Variants in ARID1B observed in about 807,000 individuals in gnomAD.
The protein encoded by ARID1B is AT-rich interactive domain-containing protein 1B.
A neutral mutation model predicts 212.3 loss-of-function variants in ARID1B; 30 were observed. The observed-to-expected ratio is 0.14, with a 90% CI of 0.11 to 0.19. The LOEUF (loss-of-function observed/expected upper bound fraction) is 0.19. Ranked by LOEUF, ARID1B falls within the 10% of genes least tolerant of loss-of-function variation. The pLI is 1.00. For missense variants in ARID1B, 2,891 were observed against 3,204.0 expected (o/e 0.90, Z 2.36); for synonymous variants, 1,402 against 1,301.7 (o/e 1.08, Z -1.66).
rs527356905 is a variant in ARID1B at position 157,154,590 on chromosome 6, T to G, written c.3089+5639T>G. 8.9e-5 allele frequency among the ~76,000 whole-genome samples: 13 copies of G among 146,090 alleles called. 1 individual carries two copies. In the East Asian group the frequency reaches 1.2e-3, roughly 13 times the overall value. ...TCTGTTTTTTTTTTTGTTTTTTTTTTTTTTTTTTGAGTTGGAGTCTCACTC... is the reference window on the plus strand; with the variant it reads ...TCTGTTTTTTTTTTTGTTTTTTTTTGTTTTTTTTGAGTTGGAGTCTCACTC... On this transcript the variant is annotated intron_variant, in intron 8 of 19. Transcript: ENST00000636930.
chr6:157,024,302 C>G (rs1780516198), intron 4 of ARID1B: 1 of 152,172 alleles, frequency 6.6e-6, no homozygotes, highest in Non-Finnish European at 1.5e-5. Context: ...ATCTTACTGC[C>G]AAGTGACAAG....
chr6:156,877,708 C>CT (rs527950418), intron 2 of ARID1B, among the ~76,000 whole-genome samples: 2,947 of 142,054 alleles, frequency 0.021, 91 homozygotes, highest in African/African-American at 0.064. Context: ...CATATTTATC[C>CT]TTTTTTTTTT....
rs866283846 is a variant in ARID1B, at chr6:157,010,634, G to T, written c.2248-74028G>T. Reference sequence around the variant, plus strand: ...CATGCCCGGCCTGTTTTTTTTTTTTGCTTTGTTTTGTTTTGTTTTTTGTTG... The same window carrying T: ...CATGCCCGGCCTGTTTTTTTTTTTTTCTTTGTTTTGTTTTGTTTTTTGTTG... On this transcript the variant is annotated intron_variant, in intron 4 of 19. Transcript: ENST00000636930. 3.0e-3 allele frequency among the ~76,000 whole-genome samples: 364 copies of T among 121,342 alleles called. 1 individual carries two copies. Among genetic ancestry groups the T allele is most frequent in the African/African-American group, 0.01 (324 of 32,256 alleles). 79.6% of individuals were successfully genotyped at this position (121,342 alleles called of 152,430 possible).
intron 4 of ARID1B, among the ~76,000 whole-genome samples, chr6:157,081,350 T>C (rs1168291532): frequency 2.0e-5 from 3 of 152,234 alleles, no homozygotes; most frequent in Admixed American, 2.0e-4. Flanking sequence ...AGAGCTTCTT[T>C]GTTAACTAGG....
At chr6:156,860,754 A>G (rs1050212649) in intron 2 of ARID1B, among the ~76,000 whole-genome samples, 21 of 152,338 alleles carry the variant, frequency 1.4e-4, no homozygotes, top group African/African-American at 4.8e-4. Context: ...TTAATAATAG[A>G]TTTTTGAGGA....
intron 1 of ARID1B, among the ~76,000 whole-genome samples, chr6:156,794,553 A>G (rs1780224396): frequency 7.1e-6 from 1 of 141,826 alleles, no homozygotes; most frequent in African/African-American, 2.6e-5. Flanking sequence ...CACATGAACC[A>G]TGGAGCCTGG....
At chr6:156,894,306 C>CGGGGGGGG (rs1167132030) in intron 2 of ARID1B, among the ~76,000 whole-genome samples, 1 of 23,634 alleles carries the variant, frequency 4.2e-5, no homozygotes, top group African/African-American at 1.7e-4. Flanking sequence ...GGATGGGGGC[C>CGGGGGGGG]GGGGGTTGGG....
chr6:157,075,458 A>G (rs1436593192), intron 4 of ARID1B, among the ~76,000 whole-genome samples: 2 of 152,182 alleles, frequency 1.3e-5, no homozygotes, highest in African/African-American at 4.8e-5. Context: ...ATCACCCAAA[A>G]TGTTTATTCT....
intron 6 of ARID1B, among the ~76,000 whole-genome samples, chr6:157,127,324 C>T (rs1043633414): frequency 5.3e-5 from 8 of 152,242 alleles, no homozygotes; most frequent in African/African-American, 1.9e-4. Flanking sequence ...TCTTGGTTAC[C>T]ATGCTACCTG....
At chr6:156,807,152 C>T (rs1435823646) in intron 1 of ARID1B, among the ~76,000 whole-genome samples, 1 of 145,648 alleles carries the variant, frequency 6.9e-6, no homozygotes, top group East Asian at 2.0e-4. Flanking sequence ...CCCCACGCCC[C>T]ACCCAGTGAA....
Position 157,206,120 on chromosome 6 carries a change from T to G in ARID1B, c.5395-47T>G. On this transcript the variant is annotated intron_variant, in intron 19 of 19. Coordinates refer to ENST00000636930, the MANE Select transcript of ARID1B (RefSeq NM_001374828.1). The surrounding 1 kb of genome is among the most constrained non-coding windows in gnomAD (Gnocchi z 6.8). ...CCCTCCTCGGTCATATCTGATGTCA[T>G]GACATTGTACCTGTTCTTTCTTTCT... 8.7e-5 allele frequency: 138 copies of G among 1,584,354 alleles called. No individual in the cohort carries two copies. Among genetic ancestry groups the G allele is most frequent in the Non-Finnish European group, 1.1e-4 (124 of 1,159,758 alleles).
intron 2 of ARID1B, among the ~76,000 whole-genome samples, chr6:156,865,835 T>G (rs1318826969): frequency 6.6e-6 from 1 of 152,150 alleles, no homozygotes; most frequent in Non-Finnish European, 1.5e-5. Context: ...TTTCCTTTTC[T>G]TAATTCTTTT....
Position 157,190,325 on chromosome 6 carries a change from TG to T in ARID1B, c.4231+118del. 1.6e-6 allele frequency: 2 copies of T among 1,285,120 alleles called. No individual in the cohort carries two copies. Among genetic ancestry groups the T allele is most frequent in the South Asian group, 3.0e-5 (2 of 65,676 alleles). 79.6% of individuals were successfully genotyped at this position (1,285,120 alleles called of 1,614,324 possible). On this transcript the variant is annotated intron_variant, in intron 15 of 19. Transcript: ENST00000636930. This position sits in a 1 kb window ranked among gnomAD's most constrained non-coding sequence, Gnocchi z 4.6. ...CCTCTGAGCCCATGCTGCATCGGTGTGGGTCCCAGGTCCCCATCCTACTCCA... is the reference window on the plus strand; with the variant it reads ...CCTCTGAGCCCATGCTGCATCGGTGTGGTCCCAGGTCCCCATCCTACTCCA...
chr6:157,118,827 G>A (rs1369702109), intron 6 of ARID1B, among the ~76,000 whole-genome samples: 2 of 152,216 alleles, frequency 1.3e-5, no homozygotes, highest in African/African-American at 4.8e-5. Context: ...GGAAGCATCA[G>A]TCGAAGTTTT....
At chr6:156,864,432 T>C (rs1016839238) in intron 2 of ARID1B, among the ~76,000 whole-genome samples, 12 of 152,240 alleles carry the variant, frequency 7.9e-5, no homozygotes, top group African/African-American at 2.9e-4. Flanking sequence ...TTTTGGCTTA[T>C]GATATTTTAC....
intron 9 of ARID1B, 60 bp from the exon 10 acceptor site, chr6:157,173,948 G>A: frequency 6.9e-7 from 1 of 1,441,612 alleles, no homozygotes; most frequent in Non-Finnish European, 9.7e-7. Flanking sequence ...TGTGTTGGCA[G>A]GAGTACAGTC....
At chr6:157,150,225 G>A (rs1350129014) in intron 8 of ARID1B, 1 of 152,106 alleles carries the variant, frequency 6.6e-6, no homozygotes, top group Non-Finnish European at 1.5e-5. Context: ...CCTTTGGAGG[G>A]ACCTCAGAAG....
chr6:157,162,562 C>G (rs1447060763), intron 8 of ARID1B, among the ~76,000 whole-genome samples: 1 of 152,218 alleles, frequency 6.6e-6, no homozygotes, highest in Non-Finnish European at 1.5e-5. Flanking sequence ...CCTGCTTTCT[C>G]AATTATTCTC....
chr6:157,127,804 A>AC (rs1472037088), intron 6 of ARID1B, among the ~76,000 whole-genome samples: 3 of 139,790 alleles, frequency 2.1e-5, no homozygotes, highest in African/African-American at 8.9e-5. Flanking sequence ...AAAAAAAAAA[A>AC]AACAAAAATT....
Sources: allele counts gnomAD v4.1 joint callset (sites outside exome capture counted in the v4.1 genomes callset), GRCh38; gene constraint gnomAD v4.1.1; non-coding constraint Gnocchi (gnomAD v3.1); transcripts MANE v1.5; gene names NCBI Gene and HGNC (gene_info 2026-07-23, HGNC 2026-07-21).